The following VWDE variants were observed in gnomAD, a reference collection of about 807,000 sequenced individuals.
The protein encoded by VWDE is von Willebrand factor D and EGF domains, also known as von Willebrand factor D and EGF domain-containing protein.
VWDE carries 207 observed loss-of-function variants against 178.4 expected under a neutral mutation model. That is an observed-to-expected ratio of 1.16 (90% CI 1.04 to 1.30). The LOEUF (loss-of-function observed/expected upper bound fraction) is 1.30. Ranked by LOEUF, VWDE falls within the 50% of genes most tolerant of loss-of-function variation. The pLI is 0.00. For missense variants in VWDE, 2,287 were observed against 1,901.3 expected (o/e 1.20, Z -3.77); for synonymous variants, 738 against 651.4 (o/e 1.13, Z -2.02).
chr7:12,386,173 G>T (rs1048633343), intron 3 of VWDE, among the ~76,000 whole-genome samples: 8 of 152,004 alleles, frequency 5.3e-5, no homozygotes, highest in Non-Finnish European at 1.2e-4. Flanking sequence ...TAATATTATA[G>T]GAAGATGTAT....
At chr7:12,336,846 G>GT (rs766237752) in intron 26 of VWDE, 142 bp downstream of exon 26, 15 of 665,366 alleles carry the variant, frequency 2.3e-5, no homozygotes, top group African/African-American at 9.1e-5. Flanking sequence ...TTTCAAAGAG[G>GT]TATCTCCTAA....
chr7:12,373,354 A>C, intron 9 of VWDE, 107 bp from the exon 10 acceptor site: 2 of 1,144,258 alleles, frequency 1.7e-6, no homozygotes, highest in Admixed American at 2.3e-5. Context: ...TGTTGTATGC[A>C]CTGAAGGAAA....
chr7:12,358,968 C>G (rs1330709005), intron 16 of VWDE, among the ~76,000 whole-genome samples: 1 of 152,136 alleles, frequency 6.6e-6, no homozygotes, highest in Non-Finnish European at 1.5e-5. Context: ...AAATATAAAG[C>G]TGTATGACTT....
At chr7:12,344,173 G>T in intron 21 of VWDE, 22 bp downstream of exon 21, 1 of 1,545,460 alleles carries the variant, frequency 6.5e-7, no homozygotes, top group Non-Finnish European at 8.8e-7. Flanking sequence ...CCTTATATTT[G>T]ATTTTTAATT....
chr7:12,397,401 C>T (rs1388923952), intron 1 of VWDE, among the ~76,000 whole-genome samples: 2 of 152,108 alleles, frequency 1.3e-5, no homozygotes, highest in African/African-American at 2.4e-5. Flanking sequence ...CTACTTTTCA[C>T]CATATGCAAA....
At position 12,403,851 on chromosome 7, in the gene VWDE, C is replaced by G. The variant is rs1785036655; in HGVS notation, c.-135G>C. 1 of 931,600 alleles carries G rather than the reference C, an allele frequency of 1.1e-6. No individual in the cohort carries two copies. Among genetic ancestry groups the G allele is most frequent in the African/African-American group, 1.7e-5 (1 of 60,462 alleles). The allele number at this position is 931,600 out of a possible 1,614,324, so 57.7% of individuals were successfully genotyped here. On this transcript the variant is annotated 5_prime_UTR_variant, in exon 1 of 29. Coordinates refer to ENST00000275358, the MANE Select transcript of VWDE (RefSeq NM_001135924.3). ...TGTTGCTGCTTGGAACAGGGAAGCT[C>G]CGCGTCCTCGTTCTGGGGTGCACCC...
At chr7:12,359,499 A>T in intron 16 of VWDE, 79 bp downstream of exon 16, 1 of 953,812 alleles carries the variant, frequency 1.0e-6, no homozygotes, top group Non-Finnish European at 1.6e-6. Flanking sequence ...TCTTAAACAC[A>T]TTTACGTAAC....
intron 19 of VWDE, among the ~76,000 whole-genome samples, chr7:12,348,145 A>T (rs1781716187): frequency 6.6e-6 from 1 of 151,420 alleles, no homozygotes; most frequent in African/African-American, 2.4e-5. Flanking sequence ...AGGCAATACC[A>T]TTCAGGACAC....
chr7:12,393,849 A>T, intron 1 of VWDE, 71 bp from the exon 2 acceptor site: 1 of 1,315,066 alleles, frequency 7.6e-7, no homozygotes, highest in Admixed American at 3.0e-5. Context: ...CTCAATTAAA[A>T]TTGATTCCCA....
intron 24 of VWDE, among the ~76,000 whole-genome samples, chr7:12,339,380 T>C (rs1781206187): frequency 6.6e-6 from 1 of 152,144 alleles, no homozygotes; most frequent in Non-Finnish European, 1.5e-5. Context: ...TATAACTCTT[T>C]AGCATGGATT....
In VWDE at chr7:12,370,466, T is replaced by C. The variant is rs1315351259; in HGVS notation, c.1840A>G (p.Met614Val). Residue 614 changes from methionine to valine, a missense_variant, in exon 12 of 29, where the codon ATG (methionine) becomes GTG (valine). Met to Val is a conservative substitution (Grantham distance 21). Coordinates refer to ENST00000275358, the MANE Select transcript of VWDE (RefSeq NM_001135924.3). ...TAGGATGGCTTTCCAGGTGATGTCA[T>C]AGAAACTGGCAGTGTGTCAGACATG... is the stretch of plus-strand genomic sequence containing the variant. ...KSMSDTLPVS[M>V]TSPGKPSYCS... 9.7e-6 allele frequency: 15 copies of C among 1,542,178 alleles called. No homozygotes were observed. Among genetic ancestry groups the C allele is most frequent in the African/African-American group, 1.4e-5 (1 of 73,000 alleles).
intron 4 of VWDE, among the ~76,000 whole-genome samples, chr7:12,381,962 T>C (rs1301532449): frequency 6.6e-6 from 1 of 151,880 alleles, no homozygotes. Flanking sequence ...ACAGTATAGA[T>C]GAAACAAAAT....
rs1210319508 is a variant in VWDE, at chr7:12,389,237, G to A, written c.365C>T (p.Thr122Ile). The change falls in exon 3 of 29, where the codon ACT (threonine) becomes ATT (isoleucine). Residue 122 changes from threonine to isoleucine, a missense_variant. Transcript: ENST00000275358. ...ACATWQFLFSTTKDCCLFQIP... is the reference protein window; with the variant it reads ...ACATWQFLFSITKDCCLFQIP... ...TTGAAAGAGACAGCAGTCTTTTGTA[G>A]TGCTGAACAAAAACTGCCATGTTGC... The A allele has an allele frequency of 6.4e-7, 1 of 1,551,484 alleles. No homozygotes were observed. The highest frequency in any genetic ancestry group is 8.7e-7 in the Non-Finnish European group (1 of 1,146,948).
chr7:12,354,240 T>A, intron 18 of VWDE: 1 of 327,130 alleles, frequency 3.1e-6, no homozygotes, highest in Non-Finnish European at 5.9e-6. Context: ...TGCATGACAC[T>A]TAATGCATTT....
intron 23 of VWDE, among the ~76,000 whole-genome samples, chr7:12,341,356 G>A (rs982291224): frequency 3.3e-5 from 5 of 152,200 alleles, no homozygotes; most frequent in South Asian, 2.1e-4. Flanking sequence ...AGCTTACGCC[G>A]GGCGCAGTGG....
Position 12,357,495 on chromosome 7 carries a change from G to A in VWDE, c.3295C>T (p.Gln1099Ter), listed in dbSNP as rs1237143825. Residue 1099 changes from glutamine (Q) to a stop codon, truncating the protein, a stop_gained, in exon 17 of 29, where the codon CAA (glutamine) becomes TAA (stop). Coordinates refer to ENST00000275358, the MANE Select transcript of VWDE (RefSeq NM_001135924.3). LOFTEE classifies it high-confidence loss of function. The stretch of plus-strand genomic sequence containing the variant: ...GTCTGTAATTTGTCTTGCAATGCTT[G>A]AATCACTGGGGGCTGGTTGTCTGTA... ...FLENNQPPVIQALQDKLQTFY... is the reference protein window; with the variant it reads ...FLENNQPPVI 2 of 1,552,146 alleles carry A rather than the reference G, an allele frequency of 1.3e-6. No homozygotes were observed. Among genetic ancestry groups the A allele is most frequent in the South Asian group, 1.2e-5 (1 of 84,056 alleles).
intron 2 of VWDE, among the ~76,000 whole-genome samples, chr7:12,389,862 G>T (rs848013): frequency 0.49 from 74,140 of 152,022 alleles, 18,732 homozygotes; most frequent in African/African-American, 0.62. Context: ...TGTTTAGTAA[G>T]TTAGAAATAA....
chr7:12,372,664 C>A (rs889257243), intron 10 of VWDE, among the ~76,000 whole-genome samples: 1 of 151,976 alleles, frequency 6.6e-6, no homozygotes, highest in Non-Finnish European at 1.5e-5. Context: ...AATATTTGTT[C>A]TTAATTATGT....
rs766410590 is a variant in VWDE at position 12,373,246 on chromosome 7, C to T, written c.1318G>A (p.Val440Ile). 1.3e-6 allele frequency: 2 copies of T among 1,549,518 alleles called. No individual in the cohort carries two copies. The change falls in exon 10 of 29, where the codon GTA (valine) becomes ATA (isoleucine). Residue 440 changes from valine to isoleucine, a missense_variant and splice_region_variant. Coordinates refer to ENST00000275358, the MANE Select transcript of VWDE (RefSeq NM_001135924.3). Reference sequence around the variant, plus strand: ...GTTCCAGTCTTGAAATTATCATATACCCTATCATTAACAAAAGGCAATTGC... The same window carrying T: ...GTTCCAGTCTTGAAATTATCATATATCCTATCATTAACAAAAGGCAATTGC... ...DPHIITFDGR[V>I]YDNFKTGTFV...
Sources: gnomAD v4.1 joint callset for allele counts (sites outside exome capture counted in the v4.1 genomes callset) on GRCh38, gnomAD v4.1.1 for gene constraint, MANE v1.5 for transcripts, NCBI Gene and HGNC (gene_info 2026-07-23, HGNC 2026-07-21) for gene names.